MALRD1: variants seen among roughly 807,000 people sequenced by gnomAD.
MALRD1 encodes MAM and LDL receptor class A domain containing 1.
MALRD1 carries 247 observed loss-of-function variants against 242.1 expected under a neutral mutation model. The observed-to-expected ratio is 1.02, with a 90% CI of 0.92 to 1.13. MALRD1 has a LOEUF of 1.13. Among genes scored for constraint, MALRD1 ranks in the 50% most tolerant of loss-of-function variants. The probability of loss-of-function intolerance (pLI) is 0.00; values close to 1 mark genes in which losing one functional copy is unlikely to be tolerated. For missense variants in MALRD1, 2,989 were observed against 2,533.1 expected (o/e 1.18, Z -3.86); for synonymous variants, 995 against 866.6 (o/e 1.15, Z -2.60).
intron 28 of MALRD1, among the ~76,000 whole-genome samples, chr10:19,435,132 A>G (rs1330605315): frequency 6.7e-6 from 1 of 149,230 alleles, no homozygotes; most frequent in African/African-American, 2.4e-5. Flanking sequence ...ATATTTTATA[A>G]TATATATTTT....
intron 28 of MALRD1, among the ~76,000 whole-genome samples, chr10:19,430,432 G>A (rs563405219): frequency 6.6e-6 from 1 of 151,780 alleles, no homozygotes; most frequent in Non-Finnish European, 1.5e-5. Flanking sequence ...TTTTCTTTAT[G>A]CTCTTGCTGG....
chr10:19,567,834 C>A, intron 33 of MALRD1, 131 bp downstream of exon 33: 1 of 806,578 alleles, frequency 1.2e-6, no homozygotes, highest in East Asian at 2.7e-5. Flanking sequence ...AAAAGAGTCA[C>A]ATATACTAAG....
At chr10:19,078,813 T>C (rs1347449232) in intron 2 of MALRD1, among the ~76,000 whole-genome samples, 1 of 151,856 alleles carries the variant, frequency 6.6e-6, no homozygotes, top group African/African-American at 2.4e-5. Flanking sequence ...AAATTATTCA[T>C]AGTATTCCCT....
chr10:19,111,662 T>C (rs1836684373), intron 5 of MALRD1, among the ~76,000 whole-genome samples: 1 of 152,256 alleles, frequency 6.6e-6, no homozygotes, highest in Non-Finnish European at 1.5e-5. Context: ...TTTTAGGCTT[T>C]GCCTTTTATG....
intron 21 of MALRD1, among the ~76,000 whole-genome samples, chr10:19,299,628 G>T: frequency 6.6e-6 from 1 of 151,936 alleles, no homozygotes; most frequent in East Asian, 1.9e-4. Context: ...AAACCTACAT[G>T]ATTATCTCAA....
chr10:19,214,754 T>C (rs766928466), intron 18 of MALRD1, among the ~76,000 whole-genome samples: 2 of 152,142 alleles, frequency 1.3e-5, no homozygotes, highest in Admixed American at 1.3e-4. Context: ...CTTGTTGAGA[T>C]TGGGAAACAA....
At chr10:19,341,516 G>GTATATATGTA (rs1843870148) in intron 24 of MALRD1, among the ~76,000 whole-genome samples, 1 of 133,116 alleles carries the variant, frequency 7.5e-6, no homozygotes, top group African/African-American at 2.8e-5. Flanking sequence ...ATATATGTGT[G>GTATATATGTA]TATATATGTA....
chr10:19,675,044 A>G (rs1415321647), intron 36 of MALRD1, among the ~76,000 whole-genome samples: 1 of 152,090 alleles, frequency 6.6e-6, no homozygotes, highest in East Asian at 1.9e-4. Flanking sequence ...GGAAAAGAAG[A>G]ACACTTTTTA....
At chr10:19,627,389 G>A (rs1035957259) in intron 36 of MALRD1, among the ~76,000 whole-genome samples, 3 of 151,696 alleles carry the variant, frequency 2.0e-5, no homozygotes, top group African/African-American at 7.3e-5. Flanking sequence ...TGTGGTAAAA[G>A]ACACCATAAA....
chr10:19,424,069 T>G (rs1327906406), intron 28 of MALRD1, among the ~76,000 whole-genome samples: 1 of 152,214 alleles, frequency 6.6e-6, no homozygotes, highest in East Asian at 1.9e-4. Context: ...AGTATCAGTT[T>G]AATGAAAAAA....
intron 38 of MALRD1, chr10:19,721,667 G>A (rs1464568459): frequency 3.3e-5 from 5 of 152,174 alleles, no homozygotes; most frequent in African/African-American, 4.8e-5. Context: ...AAGACCACAG[G>A]TCTTTATTTT....
intron 21 of MALRD1, among the ~76,000 whole-genome samples, chr10:19,314,784 G>A (rs972176433): frequency 1.8e-4 from 27 of 151,460 alleles, no homozygotes; most frequent in African/African-American, 6.3e-4. Context: ...AGCCTTCAAA[G>A]TCTGAAATAT....
rs1296227425 is a variant in MALRD1, at chr10:19,128,381, T to A, written c.1104T>A (p.Asn368Lys). Residue 368 changes from asparagine (N) to lysine (K), a missense_variant, in exon 8 of 40, where the codon AAT (asparagine) becomes AAA (lysine). Transcript: ENST00000454679. ...ESSVLRVRLY[N>K]NKEEEIFWTY... ...GTGTCCTGAGAGTAAGACTGTATAATAATAAGGTAAGAAGAAAGTTGCATT... is the reference window on the plus strand; with the variant it reads ...GTGTCCTGAGAGTAAGACTGTATAAAAATAAGGTAAGAAGAAAGTTGCATT... 8.1e-7 allele frequency: 1 copy of A among 1,232,590 alleles called. No individual in the cohort carries two copies. Among genetic ancestry groups the A allele is most frequent in the African/African-American group, 1.6e-5 (1 of 64,432 alleles). The allele number at this position is 1,232,590 out of a possible 1,614,324, so 76.4% of individuals were successfully genotyped here.
At chr10:19,696,258 G>C (rs1236978299) in intron 38 of MALRD1, among the ~76,000 whole-genome samples, 2 of 152,042 alleles carry the variant, frequency 1.3e-5, no homozygotes, top group Non-Finnish European at 2.9e-5. Flanking sequence ...TCCTAGTATG[G>C]GTTCCAAGTA....
chr10:19,357,050 C>T (rs904006738), intron 26 of MALRD1, among the ~76,000 whole-genome samples: 1 of 151,088 alleles, frequency 6.6e-6, no homozygotes, highest in Non-Finnish European at 1.5e-5. Context: ...GCGGAGGTTG[C>T]AGTGAGCTGA....
intron 23 of MALRD1, among the ~76,000 whole-genome samples, chr10:19,330,857 A>G (rs922333659): frequency 1.3e-5 from 2 of 149,404 alleles, no homozygotes; most frequent in African/African-American, 5.1e-5. Flanking sequence ...GATGTGTACA[A>G]TTTAAAAAAA....
intron 5 of MALRD1, among the ~76,000 whole-genome samples, chr10:19,116,861 G>A (rs2131366544): frequency 6.6e-6 from 1 of 152,234 alleles, no homozygotes; most frequent in East Asian, 1.9e-4. Flanking sequence ...GGCTGAGGTG[G>A]GCAGATCACC....
chr10:19,644,674 G>T (rs1323418464), intron 36 of MALRD1, among the ~76,000 whole-genome samples: 1 of 152,008 alleles, frequency 6.6e-6, no homozygotes, highest in African/African-American at 2.4e-5. Flanking sequence ...AATATAAATG[G>T]TCACCATTTT....
intron 26 of MALRD1, among the ~76,000 whole-genome samples, chr10:19,360,304 G>A (rs1844834198): frequency 6.6e-6 from 1 of 152,000 alleles, no homozygotes; most frequent in Non-Finnish European, 1.5e-5. Context: ...ATGTCTGAAA[G>A]CTCTGTTTAT....
Sources: allele counts gnomAD v4.1 joint callset (sites outside exome capture counted in the v4.1 genomes callset), GRCh38; gene constraint gnomAD v4.1.1; transcripts MANE v1.5; gene names NCBI Gene and HGNC (gene_info 2026-07-23, HGNC 2026-07-21).